PDS5B: variants seen among roughly 807,000 people sequenced by gnomAD.
The protein encoded by PDS5B is sister chromatid cohesion protein PDS5 homolog B.
Under a neutral mutation model 184.1 loss-of-function variants are expected in PDS5B, and 51 were observed. The ratio of observed to expected loss-of-function variants is 0.28; its 90% confidence interval spans 0.22 to 0.35. The LOEUF (loss-of-function observed/expected upper bound fraction) is 0.35, where lower values mean the gene tolerates loss of function less well. PDS5B is among the 10% of genes least tolerant of loss of function. The probability of loss-of-function intolerance (pLI) is 1.00; values close to 1 mark genes in which losing one functional copy is unlikely to be tolerated. For missense variants in PDS5B, 1,180 were observed against 1,723.3 expected, an observed-to-expected ratio of 0.68 and a Z score of 5.58; for synonymous variants, 566 against 569.2, an observed-to-expected ratio of 0.99 and a Z score of 0.08.
intron 8 of PDS5B, 101 bp from the exon 9 acceptor site, chr13:32,675,743 C>T (rs1361100396): frequency 1.7e-6 from 1 of 603,808 alleles, no homozygotes; most frequent in Non-Finnish European, 3.0e-6. Flanking sequence ...GAAAGATTTT[C>T]TGTGGAATTG....
At chr13:32,652,331 A>G (rs1457029356) in intron 3 of PDS5B, 2 of 219,642 alleles carry the variant, frequency 9.1e-6, no homozygotes, top group East Asian at 2.1e-4. Flanking sequence ...CATTATTTAA[A>G]ACATAATACC....
intron 1 of PDS5B, among the ~76,000 whole-genome samples, chr13:32,639,532 G>A (rs920719471): frequency 6.6e-6 from 1 of 152,208 alleles, no homozygotes; most frequent in African/African-American, 2.4e-5. Context: ...TGGAAAATAT[G>A]TAAACAGGGC....
At chr13:32,752,959 C>T (rs142749887) in intron 24 of PDS5B, among the ~76,000 whole-genome samples, 1 of 151,980 alleles carries the variant, frequency 6.6e-6, no homozygotes, top group Admixed American at 6.6e-5. Flanking sequence ...TTTTCAGTGA[C>T]AGAACTAAAA....
intron 3 of PDS5B, among the ~76,000 whole-genome samples, chr13:32,654,527 CT>C (rs201920030): frequency 4.6e-5 from 7 of 151,390 alleles, no homozygotes; most frequent in Admixed American, 6.6e-5. Context: ...TTTAAGTAAC[CT>C]TTTTTTTTAA....
At chr13:32,589,533 C>T (rs2057742049) in intron 1 of PDS5B, among the ~76,000 whole-genome samples, 1 of 152,098 alleles carries the variant, frequency 6.6e-6, no homozygotes, top group Non-Finnish European at 1.5e-5. Flanking sequence ...CTTGACATGG[C>T]ATTTATTTAT....
At chr13:32,734,297 G>A (rs1297801319) in intron 20 of PDS5B, among the ~76,000 whole-genome samples, 1 of 152,068 alleles carries the variant, frequency 6.6e-6, no homozygotes, top group Non-Finnish European at 1.5e-5. Flanking sequence ...AAAGTGCTGG[G>A]ATTACAGATG....
At chr13:32,691,391 C>G (rs1325943062) in intron 13 of PDS5B, 2 of 152,030 alleles carry the variant, frequency 1.3e-5, no homozygotes, top group Admixed American at 1.3e-4. Context: ...TGATCTTATT[C>G]CATTATTTTG....
chr13:32,747,510 T>C (rs886413340), intron 24 of PDS5B, among the ~76,000 whole-genome samples: 10 of 150,234 alleles, frequency 6.7e-5, no homozygotes, highest in Non-Finnish European at 1.3e-4. Flanking sequence ...TTGCTTGAAC[T>C]CAGGAGGCAG....
At chr13:32,616,723 A>T (rs1283685210) in intron 1 of PDS5B, among the ~76,000 whole-genome samples, 2 of 151,636 alleles carry the variant, frequency 1.3e-5, no homozygotes, top group Non-Finnish European at 2.9e-5. Context: ...ATAGCCTTTT[A>T]AAAAAAAATT....
At chr13:32,649,142 C>T in intron 2 of PDS5B, 1 of 327,682 alleles carries the variant, frequency 3.1e-6, no homozygotes, top group Non-Finnish European at 5.6e-6. Context: ...CTACAATACT[C>T]ATATTCCTTA....
At chr13:32,705,484 C>T (rs1171768203) in intron 17 of PDS5B, among the ~76,000 whole-genome samples, 1 of 152,054 alleles carries the variant, frequency 6.6e-6, no homozygotes, top group Non-Finnish European at 1.5e-5. Flanking sequence ...TATTTAACTC[C>T]TAACTTGACC....
At chr13:32,700,786 T>C (rs1951841884) in intron 16 of PDS5B, among the ~76,000 whole-genome samples, 1 of 152,084 alleles carries the variant, frequency 6.6e-6, no homozygotes, top group Non-Finnish European at 1.5e-5. Context: ...TATTCTGTTA[T>C]AAGTCAATGA....
In PDS5B at chr13:32,667,574, C is replaced by T. The variant is rs753626381; in HGVS notation, c.625-190C>T. Among the ~76,000 whole-genome samples the T allele has an allele frequency of 3.9e-4, 59 of 152,004 alleles. 1 individual carries two copies. Among genetic ancestry groups the T allele is most frequent in the Non-Finnish European group, 8.1e-4 (55 of 68,016 alleles). On this transcript the variant is annotated intron_variant, in intron 6 of 34. Coordinates refer to ENST00000315596, the MANE Select transcript of PDS5B (RefSeq NM_015032.4). ...TAGGAAGAGAATATAATTATCCTTA[C>T]GTGGATGGAATCTTAGATCCAGTAG... is the stretch of plus-strand genomic sequence containing the variant.
chr13:32,612,384 G>C (rs557284976), intron 1 of PDS5B, among the ~76,000 whole-genome samples: 2 of 152,130 alleles, frequency 1.3e-5, no homozygotes, highest in Non-Finnish European at 2.9e-5. Context: ...GTTTTTTTAA[G>C]AACAATTTTA....
intron 1 of PDS5B, among the ~76,000 whole-genome samples, chr13:32,611,891 A>G (rs2058148436): frequency 6.6e-6 from 1 of 152,000 alleles, no homozygotes; most frequent in Admixed American, 6.6e-5. Context: ...TTCCTGATAC[A>G]TCTGTCTCTG....
intron 17 of PDS5B, among the ~76,000 whole-genome samples, 175 bp downstream of exon 17, chr13:32,701,613 GAC>G (rs796793611): frequency 1.2e-4 from 5 of 42,644 alleles, no homozygotes; most frequent in Non-Finnish European, 2.2e-4. Flanking sequence ...CACACACACA[GAC>G]ACACACATAT....
chr13:32,750,445 G>A (rs571795892), intron 24 of PDS5B, among the ~76,000 whole-genome samples: 4 of 152,226 alleles, frequency 2.6e-5, no homozygotes, highest in African/African-American at 7.2e-5. Context: ...TACTGAGGGC[G>A]GGGTGAGTTA....
At chr13:32,703,863 C>CT (rs201133968) in intron 17 of PDS5B, among the ~76,000 whole-genome samples, 2,248 of 151,450 alleles carry the variant, frequency 0.015, 63 homozygotes, top group African/African-American at 0.052. Context: ...TAAGGTTGAA[C>CT]TTTTTTTTTC....
chr13:32,710,114 G>A lies in PDS5B; in HGVS notation c.2123+8G>A. On this transcript the variant is annotated splice_region_variant and intron_variant, in intron 19 of 34. Coordinates refer to ENST00000315596, the MANE Select transcript of PDS5B (RefSeq NM_015032.4). ...TTTTCCACACATCAGATCGTGAGTT[G>A]AGTTTATTTTCAAAAATATTCTGGA... 1 of 1,436,988 alleles carries A rather than the reference G, an allele frequency of 7.0e-7. No homozygotes were observed. The highest frequency in any genetic ancestry group is 9.3e-7 in the Non-Finnish European group (1 of 1,078,616). The allele number at this position is 1,436,988 out of a possible 1,614,324, so 89.0% of individuals were successfully genotyped here.
Sources: gnomAD v4.1 joint callset for allele counts (sites outside exome capture counted in the v4.1 genomes callset) on GRCh38, gnomAD v4.1.1 for gene constraint, MANE v1.5 for transcripts, NCBI Gene and HGNC (gene_info 2026-07-23, HGNC 2026-07-21) for gene names.